USP9X: variants seen among roughly 807,000 people sequenced by gnomAD.
The protein encoded by USP9X is ubiquitin specific peptidase 9 X-linked.
Under a neutral mutation model 190.3 loss-of-function variants are expected in USP9X, and 7 were observed. That is an observed-to-expected ratio of 0.04 (90% CI 0.02 to 0.07). The LOEUF (loss-of-function observed/expected upper bound fraction) is 0.07, where lower values mean the gene tolerates loss of function less well. USP9X is among the 10% of genes least tolerant of loss of function. The pLI is 1.00. For missense variants in USP9X, 1,010 were observed against 1,916.9 expected (o/e 0.53, Z 8.83); for synonymous variants, 645 against 659.5 (o/e 0.98, Z 0.34).
chrX:41,185,595 A>G (rs2062866467), intron 23 of USP9X, among the ~76,000 whole-genome samples: 1 of 111,459 alleles, frequency 9.0e-6, no homozygotes. Flanking sequence ...AATTTTCTGT[A>G]AAAAATGGCT....
At chrX:41,129,229 A>G in intron 3 of USP9X, 84 bp downstream of exon 3, 1 of 949,365 alleles carries the variant, frequency 1.1e-6, no homozygotes. Context: ...TAGCTTCGTC[A>G]CTGCCAAGTG....
Position 41,194,083 on chromosome X carries a change from G to A in USP9X, c.3978-2168G>A, listed in dbSNP as rs971393763. Among the ~76,000 whole-genome samples the A allele has an allele frequency of 7.2e-5, 8 of 111,821 alleles. No homozygotes were observed. The East Asian group carries it at 2.0e-3, about 27-fold the overall frequency. On this transcript the variant is annotated intron_variant, in intron 26 of 44. Transcript: ENST00000378308. ...GGCTTGCTCCCAGAAAAGTAGATAC[G>A]CCTGACTTTGGTTTACTTGGGTTCC...
In USP9X at chrX:41,117,582, T is replaced by C. The variant is rs369371221; in HGVS notation, c.-158-5889T>C. Among the ~76,000 whole-genome samples the C allele has an allele frequency of 1.6e-4, 17 of 104,329 alleles. No individual in the cohort carries two copies. In the East Asian group the frequency reaches 2.1e-3, roughly 13 times the overall value. 90.6% of individuals were successfully genotyped at this position (104,329 alleles called of 115,157 possible). ...CTAACCTTTTTTTTTTCTTCTTCTTTTTTTTTTTTTTTTGAGACGGAGTTT... is the reference window on the plus strand; with the variant it reads ...CTAACCTTTTTTTTTTCTTCTTCTTCTTTTTTTTTTTTTGAGACGGAGTTT... On this transcript the variant is annotated intron_variant, in intron 1 of 44. Coordinates refer to ENST00000378308, the MANE Select transcript of USP9X (RefSeq NM_001039591.3).
At chrX:41,156,882 A>G (rs2037242967) in intron 14 of USP9X, among the ~76,000 whole-genome samples, 1 of 111,654 alleles carries the variant, frequency 9.0e-6, no homozygotes, top group Admixed American at 9.5e-5. Context: ...GCTCCCTTAT[A>G]CTGGTATCAG....
intron 1 of USP9X, among the ~76,000 whole-genome samples, chrX:41,113,993 C>T (rs111877310): frequency 0.13 from 14,996 of 112,294 alleles, 900 homozygotes; most frequent in East Asian, 0.21. Flanking sequence ...ATAAAATTAA[C>T]TAGTACATTC....
chrX:41,110,672 C>T lies in USP9X; in HGVS notation c.-158-12799C>T, dbSNP rs5918114. Among the ~76,000 whole-genome samples, 1,100 of 111,806 alleles carry T rather than the reference C, an allele frequency of 9.8e-3. 10 individuals are homozygous for T. Among genetic ancestry groups the T allele is most frequent in the Non-Finnish European group, 0.017 (894 of 53,145 alleles). ...CAAATACTTAAATGTTAGCTATTGTCACTATTAATGAGGAAAATGTTATTT... is the reference window on the plus strand; with the variant it reads ...CAAATACTTAAATGTTAGCTATTGTTACTATTAATGAGGAAAATGTTATTT... On this transcript the variant is annotated intron_variant, in intron 1 of 44. Transcript: ENST00000378308.
chrX:41,236,452 C>CT lies in USP9X; in HGVS notation c.*3929dup, dbSNP rs778335195. The CT allele has an allele frequency of 8.9e-6, 1 of 112,187 alleles. No individual in the cohort carries two copies. Among genetic ancestry groups the CT allele is most frequent in the South Asian group, 3.6e-4 (1 of 2,751 alleles). 9.2% of individuals were successfully genotyped at this position (112,187 alleles called of 1,213,427 possible). A position where few individuals can be genotyped will look rare whatever the true frequency, so the allele number is the denominator to read the frequency against. ...AAAATTTATTTAGAGATTCAGATTC[C>CT]TAAAAGGAAATTTCACCACCCAAGT... On this transcript the variant is annotated 3_prime_UTR_variant, in exon 45 of 45. Coordinates refer to ENST00000378308, the MANE Select transcript of USP9X (RefSeq NM_001039591.3).
intron 21 of USP9X, among the ~76,000 whole-genome samples, chrX:41,172,987 G>T (rs1284441636): frequency 9.0e-6 from 1 of 111,662 alleles, no homozygotes; most frequent in African/African-American, 3.3e-5. Context: ...TGCGTCACCT[G>T]TGGGCCTGGA....
intron 2 of USP9X, among the ~76,000 whole-genome samples, chrX:41,124,771 C>T (rs1469488196): frequency 8.9e-6 from 1 of 111,843 alleles, no homozygotes; most frequent in African/African-American, 3.3e-5. Flanking sequence ...CAGCTTTGTA[C>T]CATACTTGCG....
intron 31 of USP9X, among the ~76,000 whole-genome samples, chrX:41,202,167 T>C (rs935648211): frequency 8.9e-6 from 1 of 112,301 alleles, no homozygotes; most frequent in African/African-American, 3.2e-5. Context: ...GTGCTTACTT[T>C]TAGGTTATTC....
intron 32 of USP9X, among the ~76,000 whole-genome samples, chrX:41,207,458 T>G (rs1376992382): frequency 2.7e-5 from 3 of 111,915 alleles, no homozygotes; most frequent in Non-Finnish European, 5.6e-5. Context: ...ATTTAATAGC[T>G]AGAAAAGATC....
intron 1 of USP9X, among the ~76,000 whole-genome samples, chrX:41,108,738 A>G (rs948113451): frequency 1.8e-5 from 2 of 111,421 alleles, no homozygotes; most frequent in Admixed American, 9.6e-5. Context: ...ACTGTGGCTC[A>G]CTTCTCAGAG....
chrX:41,224,005 G>A (rs1458991204), intron 39 of USP9X, among the ~76,000 whole-genome samples: 1 of 110,580 alleles, frequency 9.0e-6, no homozygotes, highest in Non-Finnish European at 1.9e-5. Flanking sequence ...AAGAGTTTGA[G>A]CCTGGGCAAC....
chrX:41,147,448 T>TTA (rs2062478148), intron 11 of USP9X, among the ~76,000 whole-genome samples: 2 of 88,758 alleles, frequency 2.3e-5, no homozygotes, highest in Non-Finnish European at 4.2e-5. Flanking sequence ...AACTTAATCG[T>TTA]TGTTTTTTTT....
chrX:41,105,168 G>A (rs1174033132), intron 1 of USP9X, among the ~76,000 whole-genome samples: 1 of 111,400 alleles, frequency 9.0e-6, no homozygotes, highest in African/African-American at 3.3e-5. Flanking sequence ...GTGGAACTGC[G>A]TACATACTTC....
At chrX:41,205,080 A>G (rs2063078661) in intron 31 of USP9X, 2 of 315,865 alleles carry the variant, frequency 6.3e-6, no homozygotes, top group Non-Finnish European at 5.4e-6. Context: ...ATGCTACACT[A>G]TATTATCTAT....
chrX:41,088,238 C>T (rs898809799), intron 1 of USP9X, among the ~76,000 whole-genome samples: 2 of 112,153 alleles, frequency 1.8e-5, no homozygotes, highest in Non-Finnish European at 3.8e-5. Context: ...CCGTGTCGAC[C>T]TCCCAGTTCT....
intron 1 of USP9X, among the ~76,000 whole-genome samples, chrX:41,123,220 T>C (rs2062205712): frequency 8.9e-6 from 1 of 112,125 alleles, no homozygotes; most frequent in South Asian, 3.7e-4. Context: ...TTAAGTACTT[T>C]GATATATTGC....
Position 41,154,854 on chromosome X carries a change from C to T in USP9X, c.1897+1773C>T, listed in dbSNP as rs190361740. Among the ~76,000 whole-genome samples the T allele has an allele frequency of 6.4e-3, 708 of 111,029 alleles. 26 individuals are homozygous for T. The highest frequency in any genetic ancestry group is 0.059 in the Admixed American group (609 of 10,368). On this transcript the variant is annotated intron_variant, in intron 14 of 44. Transcript: ENST00000378308. Reference sequence around the variant, plus strand: ...TTTCTTCTTCCAATTTATTACACTACTCTTGATTAATACTGATGAGTCTGG... The same window carrying T: ...TTTCTTCTTCCAATTTATTACACTATTCTTGATTAATACTGATGAGTCTGG...
Sources: allele counts gnomAD v4.1 joint callset (sites outside exome capture counted in the v4.1 genomes callset), GRCh38; gene constraint gnomAD v4.1.1; transcripts MANE v1.5; gene names NCBI Gene and HGNC (gene_info 2026-07-23, HGNC 2026-07-21).